The following WDPCP variants were observed in gnomAD, a reference collection of about 807,000 sequenced individuals.
The protein encoded by WDPCP is WD repeat containing planar cell polarity effector, also known as WD repeat-containing and planar cell polarity effector protein fritz homolog.
In WDPCP, 71 loss-of-function variants were observed where a neutral mutation model predicts 93.1. That is an observed-to-expected ratio of 0.76 (90% confidence interval 0.63 to 0.93). The LOEUF (loss-of-function observed/expected upper bound fraction) is 0.93. Among genes scored for constraint, WDPCP ranks in the 40% least tolerant of loss-of-function variants. The pLI is 0.00. For synonymous variants in WDPCP, 315 were observed against 315.0 expected (o/e 1.00, Z 0.00); for missense variants, 844 against 887.4 (o/e 0.95, Z 0.62).
chr2:63,249,694 C>CTGAA (rs1680563026), intron 14 of WDPCP, among the ~76,000 whole-genome samples: 1 of 152,106 alleles, frequency 6.6e-6, no homozygotes, highest in Non-Finnish European at 1.5e-5. Flanking sequence ...GAGTGTGGAA[C>CTGAA]TGAAAGAAGG....
At chr2:63,450,915 A>G (rs1330859507) in intron 6 of WDPCP, among the ~76,000 whole-genome samples, 1 of 152,196 alleles carries the variant, frequency 6.6e-6, no homozygotes, top group African/African-American at 2.4e-5. Flanking sequence ...GCAGCTATCA[A>G]TGTAAGAGCA....
intron 3 of WDPCP, among the ~76,000 whole-genome samples, chr2:63,628,438 G>A (rs1407738657): frequency 6.6e-6 from 1 of 152,012 alleles, no homozygotes; most frequent in East Asian, 1.9e-4. Flanking sequence ...ACAATTCTAT[G>A]TATGACTTTC....
chr2:63,658,509 A>G (rs541745194), intron 2 of WDPCP, among the ~76,000 whole-genome samples: 1 of 152,366 alleles, frequency 6.6e-6, no homozygotes, highest in Admixed American at 6.5e-5. Context: ...GAGAATACCA[A>G]AGAAGAAACC....
At chr2:63,318,536 C>G (rs947346922) in intron 12 of WDPCP, among the ~76,000 whole-genome samples, 1 of 152,022 alleles carries the variant, frequency 6.6e-6, no homozygotes, top group African/African-American at 2.4e-5. Context: ...CAGTGGTTGA[C>G]AGGATAAAGA....
chr2:63,636,562 T>C (rs1057291455), intron 3 of WDPCP, among the ~76,000 whole-genome samples: 1 of 152,114 alleles, frequency 6.6e-6, no homozygotes, highest in African/African-American at 2.4e-5. Flanking sequence ...CAGCCTCCCA[T>C]GTATCTGGGA....
At chr2:63,505,779 C>G (rs1701831933) in intron 1 of WDPCP, among the ~76,000 whole-genome samples, 1 of 151,998 alleles carries the variant, frequency 6.6e-6, no homozygotes, top group African/African-American at 2.4e-5. Flanking sequence ...TATGATTCAA[C>G]CTACATTTAC....
rs536855374 is a variant in WDPCP, at chr2:63,122,884, G to A, written c.2191-828C>T. Reference sequence around the variant, plus strand: ...AAATAAATTTAAAGTTATTCTGTAAGTTATATCTTAAAAGTTATTTTTACT... The same window carrying A: ...AAATAAATTTAAAGTTATTCTGTAAATTATATCTTAAAAGTTATTTTTACT... On this transcript the variant is annotated intron_variant, in intron 17 of 17. Coordinates refer to ENST00000272321, the MANE Select transcript of WDPCP (RefSeq NM_015910.7). Among the ~76,000 whole-genome samples, 3 of 152,138 alleles carry A rather than the reference G, an allele frequency of 2.0e-5. No individual in the cohort carries two copies. In the South Asian group the frequency reaches 6.2e-4, roughly 32 times the overall value.
Position 63,295,200 on chromosome 2 carries a change from A to G in WDPCP, c.1812+18048T>C, listed in dbSNP as rs576268438. On this transcript the variant is annotated intron_variant, in intron 13 of 17. Coordinates refer to ENST00000272321, the MANE Select transcript of WDPCP (RefSeq NM_015910.7). ...AAAAAAATATTTCACTACAAAAACA[A>G]TCACCCAAACATGAAAAAGACAGTC... Among the ~76,000 whole-genome samples, 353 of 152,278 alleles carry G rather than the reference A, an allele frequency of 2.3e-3. 1 individual carries two copies. Among genetic ancestry groups the G allele is most frequent in the Non-Finnish European group, 4.1e-3 (277 of 68,012 alleles).
intron 2 of WDPCP, among the ~76,000 whole-genome samples, chr2:63,749,824 A>G (rs1473611429): frequency 1.3e-5 from 2 of 152,140 alleles, no homozygotes; most frequent in Non-Finnish European, 2.9e-5. Flanking sequence ...AAAAAGGACA[A>G]ACTAGGTGCC....
At chr2:63,558,807 A>C (rs1220927229) in intron 1 of WDPCP, among the ~76,000 whole-genome samples, 1 of 152,196 alleles carries the variant, frequency 6.6e-6, no homozygotes, top group Non-Finnish European at 1.5e-5. Flanking sequence ...ACCAACCAAA[A>C]AAACGCCAGG....
intron 2 of WDPCP, among the ~76,000 whole-genome samples, chr2:63,662,979 A>G (rs1268745077): frequency 6.6e-6 from 1 of 152,160 alleles, no homozygotes; most frequent in Non-Finnish European, 1.5e-5. Context: ...TGCCCATGCC[A>G]CTGTTGTTGA....
chr2:63,511,592 T>C (rs1009277438), intron 1 of WDPCP, among the ~76,000 whole-genome samples: 2 of 151,970 alleles, frequency 1.3e-5, no homozygotes, highest in Admixed American at 1.3e-4. Flanking sequence ...GAAATAATAC[T>C]ACACATCTAC....
chr2:63,523,824 T>G (rs1055438650), intron 1 of WDPCP, among the ~76,000 whole-genome samples: 3 of 152,116 alleles, frequency 2.0e-5, no homozygotes, highest in African/African-American at 7.2e-5. Flanking sequence ...GGCAGGAGAA[T>G]TGCTTGAACC....
At chr2:63,323,856 C>T (rs1056721402) in intron 12 of WDPCP, among the ~76,000 whole-genome samples, 8 of 152,224 alleles carry the variant, frequency 5.3e-5, no homozygotes, top group Middle Eastern at 3.4e-3. Context: ...TTTGCTGCTG[C>T]GTCAGGGAGC....
At position 63,378,153 on chromosome 2, in the gene WDPCP, A is replaced by G. The variant is rs916171196; in HGVS notation, c.1748+233T>C. 5 of 527,944 alleles carry G rather than the reference A, an allele frequency of 9.5e-6. No homozygotes were observed. The African/African-American group carries it at 9.6e-5, about 10-fold the overall frequency. The allele number at this position is 527,944 out of a possible 1,614,324, so 32.7% of individuals were successfully genotyped here. On this transcript the variant is annotated intron_variant, in intron 12 of 17. Coordinates refer to ENST00000272321, the MANE Select transcript of WDPCP (RefSeq NM_015910.7). ...ACTTTACATAGCTTTCATATTAAAG[A>G]GGAAGGTATATTAAAAAGTATTGGT...
intron 3 of WDPCP, among the ~76,000 whole-genome samples, chr2:63,625,109 C>T (rs528078617): frequency 2.6e-5 from 4 of 152,268 alleles, no homozygotes; most frequent in South Asian, 2.1e-4. Context: ...GCAGAAAAGG[C>T]CTTTGGTAAA....
At chr2:63,300,735 T>C (rs1685266237) in intron 13 of WDPCP, among the ~76,000 whole-genome samples, 2 of 152,238 alleles carry the variant, frequency 1.3e-5, no homozygotes, top group Admixed American at 1.3e-4. Flanking sequence ...CAAGGGAAGA[T>C]GTCTTTGTGA....
chr2:63,155,256 A>T (rs188080095), intron 15 of WDPCP, among the ~76,000 whole-genome samples: 3 of 152,318 alleles, frequency 2.0e-5, no homozygotes, highest in Admixed American at 2.0e-4. Context: ...TGATAGTTTT[A>T]CATTTTATAT....
chr2:63,716,556 T>C (rs982683419), intron 2 of WDPCP, among the ~76,000 whole-genome samples: 5 of 152,298 alleles, frequency 3.3e-5, no homozygotes, highest in Middle Eastern at 3.4e-3. Context: ...GCAAAAATAA[T>C]AGAATGCATG....
Sources: allele counts gnomAD v4.1 joint callset (sites outside exome capture counted in the v4.1 genomes callset), GRCh38; gene constraint gnomAD v4.1.1; transcripts MANE v1.5; gene names NCBI Gene and HGNC (gene_info 2026-07-23, HGNC 2026-07-21).